NCALD: variants seen among roughly 807,000 people sequenced by gnomAD.
The protein encoded by NCALD is neurocalcin delta.
In NCALD, 10 loss-of-function variants were observed where a neutral mutation model predicts 18.6. The ratio of observed to expected loss-of-function variants is 0.54; its 90% CI spans 0.33 to 0.91. The LOEUF (loss-of-function observed/expected upper bound fraction) is 0.91. Ranked by LOEUF, NCALD falls within the 40% of genes least tolerant of loss-of-function variation. The pLI is 0.03. For synonymous variants in NCALD, 88 were observed against 87.4 expected (o/e 1.01, Z -0.04); for missense variants, 184 against 247.6 (o/e 0.74, Z 1.72).
At chr8:102,022,157 G>A (rs1563549669) in intron 1 of NCALD, among the ~76,000 whole-genome samples, 7 of 152,140 alleles carry the variant, frequency 4.6e-5, no homozygotes, top group Middle Eastern at 3.4e-3. Context: ...ACCAGAGGTC[G>A]GGGAGCCCAT....
rs532115160 is a variant in NCALD, at chr8:102,040,187, A to G, written c.-209-19898T>C. On this transcript the variant is annotated intron_variant, in intron 1 of 6. Coordinates refer to the NCALD transcript ENST00000311028. ...ATGTTTATTGCTATTTTTATCAATGACATTATCTAAACAGACCAGCAAAGA... is the reference window on the plus strand; with the variant it reads ...ATGTTTATTGCTATTTTTATCAATGGCATTATCTAAACAGACCAGCAAAGA... Among the ~76,000 whole-genome samples the G allele has an allele frequency of 2.0e-5, 3 of 152,308 alleles. No homozygotes were observed. In the East Asian group the frequency reaches 5.8e-4, roughly 29 times the overall value.
intron 4 of NCALD, among the ~76,000 whole-genome samples, chr8:101,832,027 G>C (rs1814211352): frequency 6.6e-6 from 1 of 152,140 alleles, no homozygotes; most frequent in Non-Finnish European, 1.5e-5. Flanking sequence ...CCTGCCTCTG[G>C]GTTTTGCCTG....
At chr8:101,791,013 A>C (rs1812424618), upstream of NCALD, 1 of 152,230 alleles carries the variant, frequency 6.6e-6, no homozygotes, top group Non-Finnish European at 1.5e-5. Context: ...AGCTGACGTC[A>C]AAGTCCCTGT....
intron 2 of NCALD, among the ~76,000 whole-genome samples, chr8:101,941,604 A>C (rs1455263429): frequency 6.6e-6 from 1 of 152,234 alleles, no homozygotes; most frequent in African/African-American, 2.4e-5. Flanking sequence ...CAAGATTCCA[A>C]AAATAACTTC....
chr8:102,121,553 C>T (rs1168129786), intron 1 of NCALD, among the ~76,000 whole-genome samples: 1 of 152,182 alleles, frequency 6.6e-6, no homozygotes, highest in Non-Finnish European at 1.5e-5. Flanking sequence ...CAAGGAAAAG[C>T]TATAAAACCC....
chr8:101,821,036 A>G (rs1216372736), intron 4 of NCALD, among the ~76,000 whole-genome samples: 1 of 152,216 alleles, frequency 6.6e-6, no homozygotes, highest in Non-Finnish European at 1.5e-5. Context: ...TAAAGACACC[A>G]CATGCACAAG....
intron 1 of NCALD, among the ~76,000 whole-genome samples, chr8:101,755,208 A>G (rs1001570002): frequency 6.6e-6 from 1 of 152,210 alleles, no homozygotes; most frequent in African/African-American, 2.4e-5. Context: ...TTGATTTTTA[A>G]AGAAACTACC....
chr8:101,951,736 G>T (rs905272268), intron 2 of NCALD, among the ~76,000 whole-genome samples: 1 of 152,150 alleles, frequency 6.6e-6, no homozygotes, highest in Non-Finnish European at 1.5e-5. Flanking sequence ...AGTTTCCTGG[G>T]TCTCGTTCAG....
intron 1 of NCALD, among the ~76,000 whole-genome samples, chr8:101,783,504 A>T (rs555851875): frequency 1.3e-5 from 2 of 152,330 alleles, no homozygotes; most frequent in South Asian, 2.1e-4. Context: ...AGAGCAGAAA[A>T]CATTGCCCTA....
intron 4 of NCALD, among the ~76,000 whole-genome samples, chr8:101,870,717 G>T (rs1341398216): frequency 2.6e-5 from 4 of 152,098 alleles, no homozygotes; most frequent in Non-Finnish European, 5.9e-5. Context: ...GTGAAAGATG[G>T]TCTATTTGTT....
intron 1 of NCALD, among the ~76,000 whole-genome samples, chr8:101,743,486 A>C (rs1810299533): frequency 6.6e-6 from 1 of 152,228 alleles, no homozygotes. Flanking sequence ...AGCAATTAGA[A>C]TTGTTGGGTT....
intron 1 of NCALD, among the ~76,000 whole-genome samples, chr8:101,775,187 G>T (rs1004456718): frequency 7.2e-5 from 11 of 152,206 alleles, no homozygotes; most frequent in African/African-American, 2.7e-4. Flanking sequence ...TCGGAGTACA[G>T]ATTATGACTT....
At chr8:102,124,256 GTC>G (rs1359057516) in exon 1 of NCALD, 11 of 146,476 alleles carry the variant, frequency 7.5e-5, no homozygotes, top group African/African-American at 2.2e-4. Context: ...CGCTCCCAGC[GTC>G]TGTGTCGCTT....
At chr8:102,026,692 G>A (rs1822470589) in intron 1 of NCALD, among the ~76,000 whole-genome samples, 1 of 152,178 alleles carries the variant, frequency 6.6e-6, no homozygotes, top group Non-Finnish European at 1.5e-5. Flanking sequence ...AAGGTCTGAA[G>A]AATGGTGGCT....
chr8:101,714,213 C>A (rs1432218393), intron 2 of NCALD, among the ~76,000 whole-genome samples: 1 of 152,206 alleles, frequency 6.6e-6, no homozygotes, highest in African/African-American at 2.4e-5. Flanking sequence ...TCTCTGTTTG[C>A]AGATGACAGG....
chr8:101,825,863 C>T (rs1384947436), intron 4 of NCALD, among the ~76,000 whole-genome samples: 1 of 152,140 alleles, frequency 6.6e-6, no homozygotes, highest in Non-Finnish European at 1.5e-5. Flanking sequence ...ATAAGCATGG[C>T]TGTGTTTCAA....
intron 4 of NCALD, among the ~76,000 whole-genome samples, chr8:101,866,422 T>C (rs147909884): frequency 6.6e-6 from 1 of 152,320 alleles, no homozygotes; most frequent in East Asian, 1.9e-4. Flanking sequence ...TCACCAAATT[T>C]ATATCTCCAG....
At chr8:102,102,672 C>T (rs1271776917) in intron 1 of NCALD, among the ~76,000 whole-genome samples, 1 of 152,164 alleles carries the variant, frequency 6.6e-6, no homozygotes, top group Admixed American at 6.5e-5. Flanking sequence ...GTTCTTCCTC[C>T]ACTGCCGAAG....
intron 2 of NCALD, among the ~76,000 whole-genome samples, chr8:101,959,668 T>C (rs1222449624): frequency 6.6e-6 from 1 of 152,176 alleles, no homozygotes; most frequent in Non-Finnish European, 1.5e-5. Flanking sequence ...AACATCCCCA[T>C]CATTCTTTGA....
Sources: gnomAD v4.1 joint callset for allele counts (sites outside exome capture counted in the v4.1 genomes callset) on GRCh38, gnomAD v4.1.1 for gene constraint, MANE v1.5 for transcripts, NCBI Gene and HGNC (gene_info 2026-07-23, HGNC 2026-07-21) for gene names.